NIPBL: variants seen among roughly 807,000 people sequenced by gnomAD.
NIPBL encodes NIPBL cohesin loading factor.
Under a neutral mutation model 321.8 loss-of-function variants are expected in NIPBL, and 19 were observed. The ratio of observed to expected loss-of-function variants is 0.06; its 90% CI spans 0.04 to 0.09. The LOEUF is 0.09. NIPBL is among the 10% of genes least tolerant of loss of function. The pLI, the probability that NIPBL is intolerant of heterozygous loss-of-function variation, is 1.00. For synonymous variants in NIPBL, 1,106 were observed against 1,114.1 expected, an observed-to-expected ratio of 0.99 and a Z score of 0.14; for missense variants, 2,210 against 3,327.0, an observed-to-expected ratio of 0.66 and a Z score of 8.26.
intron 9 of NIPBL, among the ~76,000 whole-genome samples, chr5:36,977,340 T>A (rs1353344754): frequency 6.6e-6 from 1 of 151,994 alleles, no homozygotes; most frequent in East Asian, 1.9e-4. Flanking sequence ...GAGCTGATTT[T>A]TATATATGAT....
At chr5:36,944,664 C>G (rs377025035) in intron 1 of NIPBL, among the ~76,000 whole-genome samples, 2 of 151,996 alleles carry the variant, frequency 1.3e-5, no homozygotes, top group African/African-American at 4.8e-5. Context: ...AAACCACACA[C>G]TTCAGGATCT....
At chr5:36,962,344 A>G in intron 6 of NIPBL, 70 bp downstream of exon 6, 1 of 1,519,552 alleles carries the variant, frequency 6.6e-7, no homozygotes, top group Non-Finnish European at 9.1e-7. Context: ...TTGTTTTTTA[A>G]AATATAATTA....
At chr5:36,928,636 A>C (rs767775399) in intron 1 of NIPBL, among the ~76,000 whole-genome samples, 3 of 152,296 alleles carry the variant, frequency 2.0e-5, no homozygotes, top group South Asian at 2.1e-4. Flanking sequence ...GAACCTTTTC[A>C]TCAGTCCCCA....
At chr5:36,891,128 A>G (rs1196464197) in intron 1 of NIPBL, among the ~76,000 whole-genome samples, 1 of 151,982 alleles carries the variant, frequency 6.6e-6, no homozygotes, top group African/African-American at 2.4e-5. Flanking sequence ...AGCCAGGCAC[A>G]GTGGCGGGCG....
At chr5:37,034,609 A>G (rs1298985082) in intron 32 of NIPBL, among the ~76,000 whole-genome samples, 1 of 152,234 alleles carries the variant, frequency 6.6e-6, no homozygotes, top group Non-Finnish European at 1.5e-5. Flanking sequence ...GAAAAAAGCA[A>G]ATCTCAGAAG....
chr5:36,969,481 G>T (rs556854436), intron 6 of NIPBL, among the ~76,000 whole-genome samples: 1 of 152,214 alleles, frequency 6.6e-6, no homozygotes, highest in South Asian at 2.1e-4. Context: ...ATGTAAACTT[G>T]GTCCATATGG....
At position 37,010,067 on chromosome 5, in the gene NIPBL, A is replaced by T; in HGVS notation, c.4422-20A>T. The T allele has an allele frequency of 1.3e-6, 2 of 1,581,414 alleles. No individual in the cohort carries two copies. The highest frequency in any genetic ancestry group is 1.1e-5 in the South Asian group (1 of 90,326). The stretch of plus-strand genomic sequence containing the variant: ...GAGATTATCTTGATACTCCATACAA[A>T]TTTTTTTTCTTCATTAAAGGTTAAA... On this transcript the variant is annotated intron_variant, in intron 20 of 46. Transcript: ENST00000282516.
At chr5:36,906,886 A>C (rs1020643590) in intron 1 of NIPBL, among the ~76,000 whole-genome samples, 1 of 152,216 alleles carries the variant, frequency 6.6e-6, no homozygotes, top group African/African-American at 2.4e-5. Flanking sequence ...ATAGATCCAC[A>C]AGAAACAGGA....
At chr5:37,054,912 C>CAA (rs60354049) in intron 42 of NIPBL, among the ~76,000 whole-genome samples, 3 of 138,064 alleles carry the variant, frequency 2.2e-5, no homozygotes, top group Non-Finnish European at 3.2e-5. Context: ...CTGTAGATGG[C>CAA]AAAAAAAAAA....
rs1747071004 is a variant in NIPBL, at chr5:36,899,906, A to T, written c.-80+22728A>T. Among the ~76,000 whole-genome samples the T allele has an allele frequency of 2.0e-5, 3 of 152,050 alleles. No homozygotes were observed. In the South Asian group the frequency reaches 6.2e-4, roughly 31 times the overall value. On this transcript the variant is annotated intron_variant, in intron 1 of 46. Coordinates refer to ENST00000282516, the MANE Select transcript of NIPBL (RefSeq NM_133433.4). ...TGATAATCACATTATTACTTCTTACACTTTGTTTATAGAATCTAGAAGGAG... is the reference window on the plus strand; with the variant it reads ...TGATAATCACATTATTACTTCTTACTCTTTGTTTATAGAATCTAGAAGGAG...
At chr5:36,950,242 A>G (rs1740121137) in intron 1 of NIPBL, among the ~76,000 whole-genome samples, 1 of 152,062 alleles carries the variant, frequency 6.6e-6, no homozygotes, top group Admixed American at 6.5e-5. Flanking sequence ...AATTATTTGT[A>G]TTGAAAAGAT....
At position 37,044,281 on chromosome 5, in the gene NIPBL, G is replaced by A. The variant is rs1009156023; in HGVS notation, c.6109-66G>A. 21 of 1,450,062 alleles carry A rather than the reference G, an allele frequency of 1.4e-5. No homozygotes were observed. In the Admixed American group the frequency reaches 2.4e-4, roughly 16 times the overall value. The allele number at this position is 1,450,062 out of a possible 1,614,324, so 89.8% of individuals were successfully genotyped here. ...ATGCCCTATTTCTGCCCCCAAATAC[G>A]TAAAGCTGTATATAGTTTCTTTTCA... On this transcript the variant is annotated intron_variant, in intron 34 of 46. Transcript: ENST00000282516.
chr5:36,997,232 A>C (rs73750916), intron 11 of NIPBL, among the ~76,000 whole-genome samples: 2,267 of 152,140 alleles, frequency 0.015, 55 homozygotes, highest in African/African-American at 0.051. Context: ...TAAACATATC[A>C]CCCATATCTA....
chr5:36,878,422 T>A (rs1003967212), intron 1 of NIPBL, among the ~76,000 whole-genome samples: 1 of 152,226 alleles, frequency 6.6e-6, no homozygotes, highest in Admixed American at 6.5e-5. Context: ...TAGGTTGGTA[T>A]AAGGGGGAAA....
chr5:36,893,219 A>G (rs1746479875), intron 1 of NIPBL, among the ~76,000 whole-genome samples: 1 of 152,194 alleles, frequency 6.6e-6, no homozygotes, highest in Admixed American at 6.5e-5. Context: ...TTGTAGTGAG[A>G]ACTATGTTAC....
intron 40 of NIPBL, among the ~76,000 whole-genome samples, chr5:37,050,218 A>T (rs920414352): frequency 6.6e-6 from 1 of 151,932 alleles, no homozygotes; most frequent in Non-Finnish European, 1.5e-5. Flanking sequence ...TAATCCCAGC[A>T]CTTTGGGAGG....
chr5:37,031,579 A>G (rs1261692580), intron 32 of NIPBL, among the ~76,000 whole-genome samples: 2 of 152,146 alleles, frequency 1.3e-5, no homozygotes, highest in Non-Finnish European at 2.9e-5. Flanking sequence ...AAGACTGACC[A>G]TTTTCTAGTT....
intron 1 of NIPBL, among the ~76,000 whole-genome samples, chr5:36,904,035 C>A (rs1747435271): frequency 6.6e-6 from 1 of 152,180 alleles, no homozygotes; most frequent in Non-Finnish European, 1.5e-5. Flanking sequence ...TGCTCTTACA[C>A]ATACCACATA....
At chr5:36,940,434 C>T (rs900594371) in intron 1 of NIPBL, among the ~76,000 whole-genome samples, 1 of 152,112 alleles carries the variant, frequency 6.6e-6, no homozygotes, top group Admixed American at 6.6e-5. Context: ...TGTGTCAGTC[C>T]TTCACTATGT....
Sources: allele counts gnomAD v4.1 joint callset (sites outside exome capture counted in the v4.1 genomes callset), GRCh38; gene constraint gnomAD v4.1.1; transcripts MANE v1.5; gene names NCBI Gene and HGNC (gene_info 2026-07-23, HGNC 2026-07-21).